The following LCLAT1 variants were observed in gnomAD, a reference collection of about 807,000 sequenced individuals.
LCLAT1 encodes the protein lysocardiolipin acyltransferase 1, also known as 1-AGP acyltransferase 8.
Under a neutral mutation model 30.7 loss-of-function variants are expected in LCLAT1, and 11 were observed. The observed-to-expected ratio is 0.36, with a 90% CI of 0.23 to 0.59. The LOEUF is 0.59. LCLAT1 is among the 20% of genes least tolerant of loss of function. The pLI is 0.77. For missense variants in LCLAT1, 402 were observed against 458.6 expected, an observed-to-expected ratio of 0.88 and a Z score of 1.13; for synonymous variants, 155 against 151.3, an observed-to-expected ratio of 1.02 and a Z score of -0.18.
intron 2 of LCLAT1, among the ~76,000 whole-genome samples, chr2:30,527,137 A>AAACT (rs1208250809): frequency 6.6e-6 from 1 of 152,218 alleles, no homozygotes; most frequent in Non-Finnish European, 1.5e-5. Flanking sequence ...CGTCATCTAC[A>AAACT]AACTGTATGT....
intron 3 of LCLAT1, among the ~76,000 whole-genome samples, chr2:30,536,245 T>C (rs1261419541): frequency 6.6e-6 from 1 of 152,156 alleles, no homozygotes; most frequent in African/African-American, 2.4e-5. Flanking sequence ...AGCTGAAAAC[T>C]TTCCAAGTCT....
At chr2:30,531,281 A>G (rs1685971209) in intron 2 of LCLAT1, among the ~76,000 whole-genome samples, 1 of 151,988 alleles carries the variant, frequency 6.6e-6, no homozygotes. Context: ...AAAAAAAGAA[A>G]AAGGGACATT....
At position 30,556,450 on chromosome 2, in the gene LCLAT1, G is replaced by T. The variant is rs748853695; in HGVS notation, c.365-5696G>T. Among the ~76,000 whole-genome samples the T allele has an allele frequency of 3.9e-5, 6 of 151,970 alleles. No homozygotes were observed. In the East Asian group the frequency reaches 5.8e-4, roughly 15 times the overall value. On this transcript the variant is annotated intron_variant, in intron 3 of 5. Transcript: ENST00000379509. ...TAAGACAGAAAATGGGAGAAAAATG[G>T]ACCAGGGTAGGGGGAGCAAAAAACC...
chr2:30,554,183 C>G (rs1183141627), intron 3 of LCLAT1, among the ~76,000 whole-genome samples: 1 of 152,234 alleles, frequency 6.6e-6, no homozygotes, highest in Admixed American at 6.5e-5. Context: ...GCTACCACTT[C>G]CATCCCACAT....
intron 1 of LCLAT1, among the ~76,000 whole-genome samples, chr2:30,512,150 G>C (rs973653101): frequency 6.6e-6 from 1 of 152,090 alleles, no homozygotes; most frequent in African/African-American, 2.4e-5. Context: ...ATCTTAATAT[G>C]AAACTCTTCA....
intron 1 of LCLAT1, among the ~76,000 whole-genome samples, chr2:30,514,256 A>C (rs1244524883): frequency 1.3e-5 from 2 of 152,250 alleles, no homozygotes; most frequent in Admixed American, 6.5e-5. Context: ...GACATTGTCA[A>C]GGGACATAAC....
intron 5 of LCLAT1, among the ~76,000 whole-genome samples, chr2:30,568,423 A>G (rs1665605412): frequency 1.3e-5 from 2 of 151,308 alleles, no homozygotes; most frequent in African/African-American, 2.4e-5. Context: ...TATATTACAT[A>G]TATATATATG....
intron 1 of LCLAT1, among the ~76,000 whole-genome samples, chr2:30,484,686 A>C (rs1350267119): frequency 6.6e-6 from 1 of 152,174 alleles, no homozygotes; most frequent in East Asian, 1.9e-4. Context: ...TTAGCCATCA[A>C]ATTTTAATAT....
chr2:30,526,774 C>T (rs1685742781), intron 2 of LCLAT1, among the ~76,000 whole-genome samples: 1 of 152,158 alleles, frequency 6.6e-6, no homozygotes, highest in African/African-American at 2.4e-5. Flanking sequence ...AGATAATAGT[C>T]CTCTACCTAA....
At chr2:30,522,102 CTG>C (rs765224128) in intron 1 of LCLAT1, among the ~76,000 whole-genome samples, 11 of 152,166 alleles carry the variant, frequency 7.2e-5, no homozygotes, top group Non-Finnish European at 1.3e-4. Flanking sequence ...TTCTCCCTGA[CTG>C]ACATTTGGCT....
intron 5 of LCLAT1, among the ~76,000 whole-genome samples, chr2:30,612,585 G>A (rs1667790504): frequency 6.6e-6 from 1 of 152,150 alleles, no homozygotes; most frequent in Admixed American, 6.5e-5. Context: ...CAATAATATA[G>A]TGATTGCACA....
At chr2:30,575,603 A>G (rs1464847951) in intron 5 of LCLAT1, among the ~76,000 whole-genome samples, 9 of 152,176 alleles carry the variant, frequency 5.9e-5, no homozygotes, top group Non-Finnish European at 1.2e-4. Context: ...AACTATCTTA[A>G]GACACTCTCT....
At chr2:30,600,759 G>A (rs112345715) in intron 5 of LCLAT1, among the ~76,000 whole-genome samples, 1 of 151,968 alleles carries the variant, frequency 6.6e-6, no homozygotes, top group East Asian at 1.9e-4. Context: ...TATGTGTCTT[G>A]GTCTATGATG....
At chr2:30,608,600 A>G (rs1269943650) in intron 5 of LCLAT1, among the ~76,000 whole-genome samples, 1 of 152,076 alleles carries the variant, frequency 6.6e-6, no homozygotes, top group Non-Finnish European at 1.5e-5. Context: ...GTTTAGACAC[A>G]CAAATACTTA....
chr2:30,511,935 C>A (rs1392807161), intron 1 of LCLAT1, among the ~76,000 whole-genome samples: 1 of 152,214 alleles, frequency 6.6e-6, no homozygotes, highest in African/African-American at 2.4e-5. Flanking sequence ...CTGATGCTTC[C>A]GCCTCCTAGG....
intron 1 of LCLAT1, among the ~76,000 whole-genome samples, chr2:30,503,561 C>T (rs115160303): frequency 6.6e-6 from 1 of 152,140 alleles, no homozygotes; most frequent in African/African-American, 2.4e-5. Context: ...TTCCACTTAG[C>T]ATGGGTGTAT....
chr2:30,459,878 C>T (rs1439208789), intron 1 of LCLAT1, among the ~76,000 whole-genome samples: 1 of 152,002 alleles, frequency 6.6e-6, no homozygotes, highest in African/African-American at 2.4e-5. Context: ...GAAAAATAAG[C>T]ATTCATTTCT....
chr2:30,558,249 AG>A (rs1665024821), intron 3 of LCLAT1, among the ~76,000 whole-genome samples: 1 of 152,178 alleles, frequency 6.6e-6, no homozygotes, highest in Non-Finnish European at 1.5e-5. Flanking sequence ...AATACACAAA[AG>A]GTTTGAAGAG....
intron 1 of LCLAT1, among the ~76,000 whole-genome samples, chr2:30,502,184 C>G (rs1684434244): frequency 6.6e-6 from 1 of 152,100 alleles, no homozygotes; most frequent in Non-Finnish European, 1.5e-5. Flanking sequence ...TGATTTCACT[C>G]TCTAGTTTTT....
Sources: allele counts gnomAD v4.1 joint callset (sites outside exome capture counted in the v4.1 genomes callset), GRCh38; gene constraint gnomAD v4.1.1; transcripts MANE v1.5; gene names NCBI Gene and HGNC (gene_info 2026-07-23, HGNC 2026-07-21).